STXBP5L: variants seen among roughly 807,000 people sequenced by gnomAD.
The protein encoded by STXBP5L is syntaxin binding protein 5L, also known as syntaxin-binding protein 5-like.
A neutral mutation model predicts 144.5 loss-of-function variants in STXBP5L; 65 were observed. The ratio of observed to expected loss-of-function variants is 0.45; its 90% CI spans 0.37 to 0.55. The LOEUF is 0.55. Ranked by LOEUF, STXBP5L falls within the 20% of genes least tolerant of loss-of-function variation. The pLI is 0.00. For synonymous variants in STXBP5L, 505 were observed against 469.6 expected, an observed-to-expected ratio of 1.08 and a Z score of -0.97; for missense variants, 1,298 against 1,405.5, an observed-to-expected ratio of 0.92 and a Z score of 1.22.
At chr3:121,096,125 C>T (rs542126040) in intron 5 of STXBP5L, among the ~76,000 whole-genome samples, 10 of 152,110 alleles carry the variant, frequency 6.6e-5, no homozygotes, top group Non-Finnish European at 1.5e-4. Flanking sequence ...CACTGTCTGA[C>T]AATCCCCAGT....
At chr3:121,356,522 C>T (rs2045520849) in intron 20 of STXBP5L, among the ~76,000 whole-genome samples, 1 of 152,256 alleles carries the variant, frequency 6.6e-6, no homozygotes, top group South Asian at 2.1e-4. Flanking sequence ...GTCTCCTTGT[C>T]TGCCCATTGC....
intron 3 of STXBP5L, among the ~76,000 whole-genome samples, chr3:121,038,535 T>G (rs1946918079): frequency 6.6e-6 from 1 of 151,968 alleles, no homozygotes; most frequent in African/African-American, 2.4e-5. Context: ...CTCTTAGTAA[T>G]TGTTTCTTTT....
At chr3:121,025,634 C>A (rs1465120215) in intron 3 of STXBP5L, among the ~76,000 whole-genome samples, 3 of 151,630 alleles carry the variant, frequency 2.0e-5, no homozygotes, top group Non-Finnish European at 4.4e-5. Flanking sequence ...ATTTGAATTT[C>A]CAAAACCTGC....
chr3:121,150,906 G>A (rs145224068), intron 7 of STXBP5L, among the ~76,000 whole-genome samples: 1 of 151,888 alleles, frequency 6.6e-6, no homozygotes, highest in Non-Finnish European at 1.5e-5. Context: ...TGGCCAACGT[G>A]GTGAAACCCC....
At chr3:121,169,500 C>T (rs946995934) in intron 9 of STXBP5L, among the ~76,000 whole-genome samples, 30 of 151,948 alleles carry the variant, frequency 2.0e-4, no homozygotes, top group African/African-American at 6.8e-4. Context: ...GGAATATTTA[C>T]CAAGCAAATG....
rs1043781101 is a variant in STXBP5L at position 120,949,285 on chromosome 3, G to A, written c.190-5655G>A. 4.0e-5 allele frequency among the ~76,000 whole-genome samples: 6 copies of A among 151,762 alleles called. No homozygotes were observed. In the East Asian group the frequency reaches 9.6e-4, roughly 24 times the overall value. On this transcript the variant is annotated intron_variant, in intron 2 of 26. Transcript: ENST00000471454. The stretch of plus-strand genomic sequence containing the variant: ...TTATATTTTTATTTTTTGCTGATTT[G>A]TTTGAGTTTCTTGTAGATTCTGGAT...
At chr3:121,126,984 A>G (rs918544326) in intron 7 of STXBP5L, among the ~76,000 whole-genome samples, 21 of 152,158 alleles carry the variant, frequency 1.4e-4, no homozygotes, top group Admixed American at 1.4e-3. Flanking sequence ...TCACTTTTAT[A>G]AAATATTTTA....
chr3:121,112,648 T>C (rs2044043932), intron 5 of STXBP5L, among the ~76,000 whole-genome samples: 1 of 152,120 alleles, frequency 6.6e-6, no homozygotes, highest in Non-Finnish European at 1.5e-5. Context: ...TATAAAGAGT[T>C]ATTCGGTGAA....
At chr3:121,308,926 A>C (rs1434550571) in intron 19 of STXBP5L, among the ~76,000 whole-genome samples, 1 of 152,186 alleles carries the variant, frequency 6.6e-6, no homozygotes, top group Non-Finnish European at 1.5e-5. Context: ...GTCAGTATAC[A>C]TCTGAAGTAG....
chr3:120,926,874 G>T (rs990670890), intron 2 of STXBP5L, among the ~76,000 whole-genome samples: 1 of 149,646 alleles, frequency 6.7e-6, no homozygotes, highest in African/African-American at 2.5e-5. Context: ...CAAAATTTCT[G>T]TTTGATTTTT....
chr3:121,216,961 C>G (rs748191674), intron 10 of STXBP5L, among the ~76,000 whole-genome samples: 4 of 152,166 alleles, frequency 2.6e-5, no homozygotes, highest in Non-Finnish European at 4.4e-5. Context: ...GTCGAACTTC[C>G]TGGTGGCTTT....
intron 5 of STXBP5L, among the ~76,000 whole-genome samples, chr3:121,092,420 A>AT (rs2042860849): frequency 6.6e-6 from 1 of 152,168 alleles, no homozygotes; most frequent in African/African-American, 2.4e-5. Flanking sequence ...ATGTTCTTCC[A>AT]TTTGTTTGTA....
intron 18 of STXBP5L, among the ~76,000 whole-genome samples, chr3:121,270,808 C>T (rs748472649): frequency 6.6e-6 from 1 of 152,078 alleles, no homozygotes; most frequent in Non-Finnish European, 1.5e-5. Context: ...ATATTGTTAA[C>T]TGTACCTCAG....
At chr3:121,024,739 T>A (rs1576693646) in intron 3 of STXBP5L, among the ~76,000 whole-genome samples, 1 of 152,202 alleles carries the variant, frequency 6.6e-6, no homozygotes, top group Non-Finnish European at 1.5e-5. Context: ...CTCTACAACA[T>A]CTATTCCATG....
At chr3:121,183,788 G>A (rs778877603) in intron 9 of STXBP5L, among the ~76,000 whole-genome samples, 2 of 152,042 alleles carry the variant, frequency 1.3e-5, no homozygotes, top group East Asian at 3.9e-4. Flanking sequence ...TCCAGCAGGG[G>A]TTGACAGACA....
At chr3:121,072,705 T>A (rs1412909856) in intron 5 of STXBP5L, among the ~76,000 whole-genome samples, 2 of 152,248 alleles carry the variant, frequency 1.3e-5, no homozygotes, top group Non-Finnish European at 2.9e-5. Flanking sequence ...CTCTTTTGGC[T>A]TCTCTGTCTG....
intron 2 of STXBP5L, among the ~76,000 whole-genome samples, chr3:120,915,847 A>G (rs1266008607): frequency 6.6e-6 from 1 of 152,180 alleles, no homozygotes; most frequent in African/African-American, 2.4e-5. Context: ...AGAATAGAAT[A>G]TAAGCCCTCC....
intron 10 of STXBP5L, among the ~76,000 whole-genome samples, chr3:121,221,245 C>T (rs2048965196): frequency 2.0e-5 from 3 of 151,706 alleles, no homozygotes; most frequent in Admixed American, 1.3e-4. Flanking sequence ...AACTTCAGAC[C>T]CAGAGTATTC....
chr3:121,057,260 T>A (rs923293503), intron 5 of STXBP5L, among the ~76,000 whole-genome samples: 3 of 152,030 alleles, frequency 2.0e-5, no homozygotes, highest in Admixed American at 1.3e-4. Context: ...TAATGTAGCA[T>A]GTTATACAGT....
Sources: gnomAD v4.1 joint callset for allele counts (sites outside exome capture counted in the v4.1 genomes callset) on GRCh38, gnomAD v4.1.1 for gene constraint, MANE v1.5 for transcripts, NCBI Gene and HGNC (gene_info 2026-07-23, HGNC 2026-07-21) for gene names.